ULK4: variants seen among roughly 807,000 people sequenced by gnomAD.
The protein encoded by ULK4 is inactive serine/threonine-protein kinase ULK4.
A neutral mutation model predicts 160.6 loss-of-function variants in ULK4; 133 were observed. The ratio of observed to expected loss-of-function variants is 0.83; its 90% confidence interval spans 0.72 to 0.96. The LOEUF is 0.96. ULK4 is among the 40% of genes least tolerant of loss of function. The pLI is 0.00. For synonymous variants in ULK4, 534 were observed against 539.8 expected (o/e 0.99, Z 0.15); for missense variants, 1,580 against 1,499.5 (o/e 1.05, Z -0.89).
At chr3:41,499,103 T>C (rs1244417452) in intron 32 of ULK4, among the ~76,000 whole-genome samples, 3 of 152,228 alleles carry the variant, frequency 2.0e-5, no homozygotes, top group Admixed American at 1.3e-4. Flanking sequence ...TCCACTTATA[T>C]GAAATGTCTA....
intron 2 of ULK4, among the ~76,000 whole-genome samples, chr3:41,954,238 T>C (rs186724754): frequency 2.4e-3 from 363 of 150,904 alleles, no homozygotes; most frequent in African/African-American, 7.9e-3. Context: ...TATGTGCCTG[T>C]AGTCCCAGCT....
intron 19 of ULK4, among the ~76,000 whole-genome samples, chr3:41,811,317 A>G (rs1369464253): frequency 6.6e-6 from 1 of 152,164 alleles, no homozygotes; most frequent in Non-Finnish European, 1.5e-5. Flanking sequence ...CTAAGTAGGT[A>G]GGACTATAGG....
At chr3:41,284,744 C>T (rs950951098) in intron 35 of ULK4, among the ~76,000 whole-genome samples, 1 of 152,012 alleles carries the variant, frequency 6.6e-6, no homozygotes, top group Non-Finnish European at 1.5e-5. Flanking sequence ...AGATAAGTAG[C>T]TGGGACTTAA....
chr3:41,366,050 G>C (rs1575472795), intron 35 of ULK4, among the ~76,000 whole-genome samples: 1 of 152,120 alleles, frequency 6.6e-6, no homozygotes, highest in African/African-American at 2.4e-5. Flanking sequence ...AATCCACAAA[G>C]ACAGGACAGT....
intron 31 of ULK4, among the ~76,000 whole-genome samples, chr3:41,595,117 C>A (rs2031605564): frequency 6.6e-6 from 1 of 152,156 alleles, no homozygotes; most frequent in Non-Finnish European, 1.5e-5. Context: ...TTAGAGATGG[C>A]ACACTGATCA....
At chr3:41,738,578 T>C (rs190079562) in intron 22 of ULK4, among the ~76,000 whole-genome samples, 1 of 152,000 alleles carries the variant, frequency 6.6e-6, no homozygotes, top group Admixed American at 6.5e-5. Context: ...ACTTTTTAGT[T>C]GGCTTAGTAA....
rs1446457351 is a variant in ULK4 at position 41,794,678 on chromosome 3, AAAAAAAAAC to A, written c.2011-4844_2011-4836del. Among the ~76,000 whole-genome samples the A allele has an allele frequency of 1.8e-3, 232 of 131,722 alleles. 4 individuals are homozygous for A. Among genetic ancestry groups the A allele is most frequent in the African/African-American group, 6.9e-3 (225 of 32,730 alleles). 86.4% of individuals were successfully genotyped at this position (131,722 alleles called of 152,430 possible). A position where few individuals can be genotyped will look rare whatever the true frequency, so the allele number is the denominator to read the frequency against. On this transcript the variant is annotated intron_variant, in intron 20 of 36. Transcript: ENST00000301831. ...TCTGTCTCAAAAAAAAAAAAAAAAA[AAAAAAAAAC>A]ACAGAAAAAAAAACCACAAACCTGT... is the stretch of plus-strand genomic sequence containing the variant.
At chr3:41,933,733 C>A (rs892788084) in intron 4 of ULK4, among the ~76,000 whole-genome samples, 1 of 149,418 alleles carries the variant, frequency 6.7e-6, no homozygotes. Context: ...CTGCCACACA[C>A]AAAAAATTAA....
At position 41,562,687 on chromosome 3, in the gene ULK4, C is replaced by CT. The variant is rs551032822; in HGVS notation, c.3226+3337dup. ...TCAGAGACTGGGATTGTAACCCCTG[C>CT]TTTTTTTTTGCTTTCCATTTGCTTG... On this transcript the variant is annotated intron_variant, in intron 32 of 36. Transcript: ENST00000301831. Among the ~76,000 whole-genome samples, 57 of 151,314 alleles carry CT rather than the reference C, an allele frequency of 3.8e-4. No individual in the cohort carries two copies. The South Asian group carries it at 5.9e-3, about 16-fold the overall frequency.
intron 30 of ULK4, among the ~76,000 whole-genome samples, chr3:41,628,583 C>A (rs991185730): frequency 6.6e-6 from 1 of 152,202 alleles, no homozygotes; most frequent in Middle Eastern, 3.4e-3. Context: ...TTATGAAAGA[C>A]AAGAAAAGGC....
intron 35 of ULK4, among the ~76,000 whole-genome samples, chr3:41,270,783 G>C (rs1226212651): frequency 6.6e-6 from 1 of 152,128 alleles, no homozygotes; most frequent in Non-Finnish European, 1.5e-5. Context: ...AACCTTCCAT[G>C]GAGTAATTAA....
At chr3:41,665,004 T>A in intron 29 of ULK4, among the ~76,000 whole-genome samples, 1 of 151,486 alleles carries the variant, frequency 6.6e-6, no homozygotes, top group East Asian at 1.9e-4. Flanking sequence ...AGATGCTCAA[T>A]AAACAAGCAT....
chr3:41,706,042 ACT>A (rs1004121068), intron 25 of ULK4, among the ~76,000 whole-genome samples: 4 of 152,006 alleles, frequency 2.6e-5, no homozygotes, highest in African/African-American at 9.7e-5. Flanking sequence ...AAATTTCGCC[ACT>A]GTTTTGAGTT....
chr3:41,489,392 G>A (rs2084665413), intron 32 of ULK4, among the ~76,000 whole-genome samples: 1 of 152,152 alleles, frequency 6.6e-6, no homozygotes, highest in Admixed American at 6.5e-5. Flanking sequence ...GGATGGTAAT[G>A]AGGTCCTCAG....
intron 25 of ULK4, among the ~76,000 whole-genome samples, chr3:41,706,864 T>A: frequency 8.0e-6 from 1 of 124,418 alleles, no homozygotes; most frequent in African/African-American, 4.6e-5. Context: ...TGTGTGTGTG[T>A]GTGTGTGTGT....
chr3:41,504,939 A>C (rs2085327774), intron 32 of ULK4, among the ~76,000 whole-genome samples: 1 of 152,126 alleles, frequency 6.6e-6, no homozygotes, highest in Admixed American at 6.6e-5. Flanking sequence ...ACCAATATTA[A>C]CTCTCAGTGT....
chr3:41,620,201 C>T (rs956870230), intron 30 of ULK4, among the ~76,000 whole-genome samples: 1 of 152,162 alleles, frequency 6.6e-6, no homozygotes, highest in Non-Finnish European at 1.5e-5. Context: ...GGAGCTGGTA[C>T]CATTCCTTCT....
At chr3:41,527,599 A>G (rs991618751) in intron 32 of ULK4, among the ~76,000 whole-genome samples, 1 of 152,232 alleles carries the variant, frequency 6.6e-6, no homozygotes, top group African/African-American at 2.4e-5. Flanking sequence ...TGGTATCACC[A>G]CAATGTAATG....
At chr3:41,433,273 C>A (rs1403418769) in intron 34 of ULK4, among the ~76,000 whole-genome samples, 1 of 152,010 alleles carries the variant, frequency 6.6e-6, no homozygotes, top group African/African-American at 2.4e-5. Context: ...GAAGGAAATG[C>A]AAAACATCAA....
Sources: allele counts gnomAD v4.1 joint callset (sites outside exome capture counted in the v4.1 genomes callset), GRCh38; gene constraint gnomAD v4.1.1; transcripts MANE v1.5; gene names NCBI Gene and HGNC (gene_info 2026-07-23, HGNC 2026-07-21).